Variants in PPARGC1B observed in about 807,000 individuals in gnomAD.
PPARGC1B encodes the protein PPARG coactivator 1 beta.
A neutral mutation model predicts 101.6 loss-of-function variants in PPARGC1B; 34 were observed. That is an observed-to-expected ratio of 0.33 (90% confidence interval 0.25 to 0.45). The LOEUF is 0.45. PPARGC1B is among the 20% of genes least tolerant of loss of function. The pLI is 1.00. For missense variants in PPARGC1B, 1,234 were observed against 1,317.6 expected, an observed-to-expected ratio of 0.94 and a Z score of 0.98; for synonymous variants, 548 against 539.3, an observed-to-expected ratio of 1.02 and a Z score of -0.22.
chr5:149,816,785 C>A (rs931783989), intron 1 of PPARGC1B, among the ~76,000 whole-genome samples: 1 of 152,212 alleles, frequency 6.6e-6, no homozygotes, highest in African/African-American at 2.4e-5. Context: ...AGCTGCCTAG[C>A]AACCCGTGTC....
intron 1 of PPARGC1B, among the ~76,000 whole-genome samples, chr5:149,813,048 T>G (rs1476573519): frequency 6.6e-6 from 1 of 152,148 alleles, no homozygotes; most frequent in Non-Finnish European, 1.5e-5. Flanking sequence ...AGGGTCATAA[T>G]GTAGAGTAGG....
At chr5:149,771,523 G>T (rs1260934098) in intron 1 of PPARGC1B, among the ~76,000 whole-genome samples, 2 of 152,252 alleles carry the variant, frequency 1.3e-5, no homozygotes, top group East Asian at 3.8e-4. Context: ...TTCTAGTCAG[G>T]TGTGACAGCA....
chr5:149,804,967 CAG>C (rs1250140237), intron 1 of PPARGC1B, among the ~76,000 whole-genome samples: 6 of 152,164 alleles, frequency 3.9e-5, no homozygotes, highest in East Asian at 1.9e-4. Flanking sequence ...AATGAGAAGT[CAG>C]GGGAGGGTTT....
Position 149,836,991 on chromosome 5 carries a change from C to A in PPARGC1B, c.2536C>A (p.Arg846=), listed in dbSNP as rs751402065. The change falls in exon 8 of 12, where the codon CGG becomes AGG. Residue 846 remains arginine (R), a synonymous_variant. Coordinates refer to ENST00000309241, the MANE Select transcript of PPARGC1B (RefSeq NM_133263.4). ...CCAGAGCCCACCAAGCAAGGCCAACCGGCAGCTCTGTTCCCGCAGCCGCTC... is the reference window on the plus strand; with the variant it reads ...CCAGAGCCCACCAAGCAAGGCCAACAGGCAGCTCTGTTCCCGCAGCCGCTC... The part of the protein sequence containing the change: ...PYQSPPSKAN[R]QLCSRSRSSS... 6.2e-7 allele frequency: 1 copy of A among 1,613,932 alleles called. No individual in the cohort carries two copies. Among genetic ancestry groups the A allele is most frequent in the African/African-American group, 1.3e-5 (1 of 74,932 alleles).
intron 9 of PPARGC1B, among the ~76,000 whole-genome samples, chr5:149,840,740 G>A (rs1465197890): frequency 1.3e-5 from 2 of 152,234 alleles, no homozygotes; most frequent in African/African-American, 2.4e-5. Context: ...GGGGCCTGGA[G>A]TGGGGAGCTG....
intron 1 of PPARGC1B, among the ~76,000 whole-genome samples, chr5:149,782,927 A>G (rs925084726): frequency 2.0e-5 from 3 of 152,218 alleles, no homozygotes; most frequent in Admixed American, 1.3e-4. Context: ...GGACAGAGGT[A>G]GGGAGCAGGA....
At chr5:149,801,898 A>G (rs1440611194) in intron 1 of PPARGC1B, among the ~76,000 whole-genome samples, 1 of 152,164 alleles carries the variant, frequency 6.6e-6, no homozygotes, top group Non-Finnish European at 1.5e-5. Flanking sequence ...ACTGATGGCC[A>G]TTGTCTTTTG....
intron 1 of PPARGC1B, among the ~76,000 whole-genome samples, chr5:149,806,738 G>T (rs759669942): frequency 6.6e-6 from 1 of 151,854 alleles, no homozygotes; most frequent in Non-Finnish European, 1.5e-5. Context: ...CTCTCGAGTA[G>T]CTGGGATTAT....
At chr5:149,732,567 G>C (rs1256319593) in intron 1 of PPARGC1B, among the ~76,000 whole-genome samples, 1 of 152,264 alleles carries the variant, frequency 6.6e-6, no homozygotes, top group Admixed American at 6.5e-5. Flanking sequence ...TGCAGTGAAA[G>C]TTAATCTGGG....
chr5:149,763,798 T>C (rs1471644448), intron 1 of PPARGC1B, among the ~76,000 whole-genome samples: 2 of 152,062 alleles, frequency 1.3e-5, no homozygotes, highest in Non-Finnish European at 2.9e-5. Flanking sequence ...CTTTTTTTTT[T>C]CATTTTTGAG....
At chr5:149,760,071 C>T (rs140572346) in intron 1 of PPARGC1B, among the ~76,000 whole-genome samples, 12 of 152,150 alleles carry the variant, frequency 7.9e-5, no homozygotes, top group African/African-American at 2.9e-4. Context: ...ACAGGAGATG[C>T]TGCAAGAGCC....
chr5:149,835,110 G>T (rs1269223912), intron 6 of PPARGC1B, among the ~76,000 whole-genome samples, 191 bp from the exon 7 acceptor site: 1 of 152,240 alleles, frequency 6.6e-6, no homozygotes, highest in African/African-American at 2.4e-5. Flanking sequence ...TCCTAAAAGA[G>T]CTGTGCAGCT....
At chr5:149,830,030 C>CAAAAAAAAAAAAAAA (rs60711433) in intron 3 of PPARGC1B, among the ~76,000 whole-genome samples, 4 of 34,264 alleles carry the variant, frequency 1.2e-4, no homozygotes, top group African/African-American at 2.6e-4. Context: ...GACTGCATCT[C>CAAAAAAAAAAAAAAA]AAAAAAAAAA....
chr5:149,829,089 G>C (rs1172707520), intron 3 of PPARGC1B, among the ~76,000 whole-genome samples: 1 of 152,076 alleles, frequency 6.6e-6, no homozygotes, highest in Non-Finnish European at 1.5e-5. Context: ...AAGGCCCTGA[G>C]AAGTCATCTG....
At chr5:149,749,827 A>C (rs1184964825) in intron 1 of PPARGC1B, among the ~76,000 whole-genome samples, 1 of 151,872 alleles carries the variant, frequency 6.6e-6, no homozygotes, top group African/African-American at 2.4e-5. Flanking sequence ...TCTAAACGTG[A>C]GCTGTTTTAA....
Position 149,754,277 on chromosome 5 carries a change from C to G in PPARGC1B, c.78+23857C>G, listed in dbSNP as rs76603362. ...ATTCGTGTGTTGAGCTTGTTTTATTCCTATTCCCTCACGTGGCCCCGGGTC... is the reference window on the plus strand; with the variant it reads ...ATTCGTGTGTTGAGCTTGTTTTATTGCTATTCCCTCACGTGGCCCCGGGTC... On this transcript the variant is annotated intron_variant, in intron 1 of 11. Coordinates refer to ENST00000309241, the MANE Select transcript of PPARGC1B (RefSeq NM_133263.4). Among the ~76,000 whole-genome samples, 37 of 152,008 alleles carry G rather than the reference C, an allele frequency of 2.4e-4. No individual in the cohort carries two copies. The East Asian group carries it at 6.2e-3, about 26-fold the overall frequency.
At chr5:149,775,137 C>T (rs1756304773) in intron 1 of PPARGC1B, among the ~76,000 whole-genome samples, 1 of 152,124 alleles carries the variant, frequency 6.6e-6, no homozygotes, top group African/African-American at 2.4e-5. Context: ...CTCCTGCCAG[C>T]CCCACATGGC....
At chr5:149,780,404 G>C (rs1445020278) in intron 1 of PPARGC1B, among the ~76,000 whole-genome samples, 2 of 152,212 alleles carry the variant, frequency 1.3e-5, no homozygotes, top group African/African-American at 2.4e-5. Flanking sequence ...CTGGGAGGAA[G>C]ATGTCCAGCT....
rs73267753 is a variant in PPARGC1B, at chr5:149,827,010, G to T, written c.465+125G>T. 8.2e-3 allele frequency: 6,323 copies of T among 769,990 alleles called. 268 individuals carry two copies. In the African/African-American group the frequency reaches 0.096, roughly 12 times the overall value. The allele number at this position is 769,990 out of a possible 1,614,324, so 47.7% of individuals were successfully genotyped here. ...GACTCCGTGCATCACTGGCAATATT[G>T]ATCACAGCAGAGAGCGTGGGCCGAA... On this transcript the variant is annotated intron_variant, in intron 3 of 11. Transcript: ENST00000309241.
Sources: gnomAD v4.1 joint callset for allele counts (sites outside exome capture counted in the v4.1 genomes callset) on GRCh38, gnomAD v4.1.1 for gene constraint, MANE v1.5 for transcripts, NCBI Gene and HGNC (gene_info 2026-07-23, HGNC 2026-07-21) for gene names.